ANO2: variants seen among roughly 807,000 people sequenced by gnomAD.
ANO2 encodes the protein anoctamin-2.
ANO2 carries 101 observed loss-of-function variants against 124.2 expected under a neutral mutation model. That is an observed-to-expected ratio of 0.81 (90% CI 0.69 to 0.96). ANO2 has a LOEUF of 0.96. Among genes scored for constraint, ANO2 ranks in the 40% least tolerant of loss-of-function variants. The probability of loss-of-function intolerance (pLI) is 0.00; values close to 1 mark genes in which losing one functional copy is unlikely to be tolerated. For missense variants in ANO2, 1,293 were observed against 1,274.5 expected (o/e 1.01, Z -0.22); for synonymous variants, 486 against 482.5 (o/e 1.01, Z -0.09).
chr12:5,590,381 C>T lies in ANO2; in HGVS notation c.2233+9103G>A, dbSNP rs541791108. Among the ~76,000 whole-genome samples, 4 of 152,256 alleles carry T rather than the reference C, an allele frequency of 2.6e-5. No individual in the cohort carries two copies. The South Asian group carries it at 8.3e-4, about 32-fold the overall frequency. ...CTACTGGATGGGAGGCACATGGAGA[C>T]GGAACAGAGAATGAGCAGTGATGTT... On this transcript the variant is annotated intron_variant, in intron 20 of 24. Coordinates refer to ENST00000682330, the MANE Select transcript of ANO2 (RefSeq NM_001364791.2).
At chr12:5,903,207 A>G (rs1473524794) in intron 3 of ANO2, among the ~76,000 whole-genome samples, 1 of 152,026 alleles carries the variant, frequency 6.6e-6, no homozygotes, top group African/African-American at 2.4e-5. Context: ...ATGGGAGATT[A>G]CATCCAACTT....
chr12:5,606,554 A>G (rs1369040097), intron 19 of ANO2, among the ~76,000 whole-genome samples: 3 of 152,158 alleles, frequency 2.0e-5, no homozygotes, highest in African/African-American at 7.2e-5. Context: ...TAGTTTTCCA[A>G]TTTCAGAAAT....
At chr12:5,858,020 G>T (rs540897256) in intron 3 of ANO2, among the ~76,000 whole-genome samples, 56 of 152,276 alleles carry the variant, frequency 3.7e-4, no homozygotes, top group African/African-American at 1.3e-3. Context: ...ATTAGAGGCT[G>T]GGCAAAATGT....
At chr12:5,687,190 G>A (rs886797983) in intron 14 of ANO2, among the ~76,000 whole-genome samples, 3 of 152,204 alleles carry the variant, frequency 2.0e-5, no homozygotes, top group Non-Finnish European at 2.9e-5. Flanking sequence ...CGGACAAGGC[G>A]CTGCCTCCAC....
At chr12:5,643,025 T>C (rs2136950092) in intron 15 of ANO2, among the ~76,000 whole-genome samples, 1 of 152,052 alleles carries the variant, frequency 6.6e-6, no homozygotes, top group South Asian at 2.1e-4. Context: ...TTTTGTGTCT[T>C]TTTAAATTTT....
At chr12:5,742,529 C>T (rs1264560777) in intron 12 of ANO2, among the ~76,000 whole-genome samples, 7 of 151,974 alleles carry the variant, frequency 4.6e-5, no homozygotes, top group Non-Finnish European at 7.4e-5. Context: ...GGTAGCTGTT[C>T]ATTACAGCTA....
chr12:5,734,388 T>C (rs995289658), intron 13 of ANO2, among the ~76,000 whole-genome samples: 3 of 152,232 alleles, frequency 2.0e-5, no homozygotes, highest in Non-Finnish European at 2.9e-5. Context: ...AATTAAAAAC[T>C]TAGCAGTATC....
intron 14 of ANO2, among the ~76,000 whole-genome samples, chr12:5,704,516 G>A (rs1949528790): frequency 6.6e-6 from 1 of 152,180 alleles, no homozygotes; most frequent in Admixed American, 6.5e-5. Context: ...GGGAGAGGGA[G>A]AATAGCCTTT....
chr12:5,849,435 T>C (rs188861666), intron 4 of ANO2, among the ~76,000 whole-genome samples: 1 of 152,348 alleles, frequency 6.6e-6, no homozygotes, highest in Non-Finnish European at 1.5e-5. Context: ...AGAAGAGCCA[T>C]CTTGGTAATG....
intron 10 of ANO2, among the ~76,000 whole-genome samples, chr12:5,751,420 A>G (rs144441577): frequency 6.6e-6 from 1 of 152,368 alleles, no homozygotes; most frequent in East Asian, 1.9e-4. Flanking sequence ...ATACTTGGGT[A>G]TGCAAACCAA....
In ANO2 at chr12:5,658,169, T is replaced by G. The variant is rs1423354125; in HGVS notation, c.1546-10368A>C. 6.6e-6 allele frequency among the ~76,000 whole-genome samples: 1 copy of G among 152,162 alleles called. No homozygotes were observed. The highest frequency in any genetic ancestry group is 2.1e-4 in the South Asian group (1 of 4,824). On this transcript the variant is annotated intron_variant, in intron 14 of 24. Transcript: ENST00000682330. This position sits in a 1 kb window ranked among gnomAD's most constrained non-coding sequence, Gnocchi z 4.3. ...CTGGAGGTGGCTGCCTGGGTTCAAT[T>G]CCCAGCTTGCACGCTAATTGAACGT...
intron 14 of ANO2, among the ~76,000 whole-genome samples, chr12:5,663,878 A>G (rs1210435270): frequency 6.6e-6 from 1 of 152,178 alleles, no homozygotes; most frequent in Non-Finnish European, 1.5e-5. Context: ...ATCATTTTAC[A>G]ATGATTTTAT....
At chr12:5,827,928 T>C in intron 6 of ANO2, 108 bp from the exon 7 acceptor site, 3 of 1,241,856 alleles carry the variant, frequency 2.4e-6, no homozygotes, top group Non-Finnish European at 3.4e-6. Flanking sequence ...CGGGCTCATT[T>C]GGAGCCAGGA....
chr12:5,742,675 A>T (rs1321450984), intron 12 of ANO2, among the ~76,000 whole-genome samples: 1 of 152,260 alleles, frequency 6.6e-6, no homozygotes, highest in African/African-American at 2.4e-5. Flanking sequence ...ATTAGGCTTC[A>T]GCAACTCAAT....
At chr12:5,628,457 T>C (rs1287012338) in intron 16 of ANO2, among the ~76,000 whole-genome samples, 1 of 152,206 alleles carries the variant, frequency 6.6e-6, no homozygotes, top group African/African-American at 2.4e-5. Context: ...GGCACTAGAG[T>C]GTCATGGTTT....
At chr12:5,756,003 C>T (rs747628130) in intron 10 of ANO2, among the ~76,000 whole-genome samples, 1 of 152,118 alleles carries the variant, frequency 6.6e-6, no homozygotes, top group Non-Finnish European at 1.5e-5. Flanking sequence ...TATTGGTTCA[C>T]TCTATGGTGT....
chr12:5,875,364 G>T (rs1260766889), intron 3 of ANO2, among the ~76,000 whole-genome samples: 3 of 152,240 alleles, frequency 2.0e-5, no homozygotes, highest in Non-Finnish European at 4.4e-5. Flanking sequence ...GGGAACGCAA[G>T]CTGGCCTGCT....
At chr12:5,828,162 G>A (rs1428400065) in intron 6 of ANO2, among the ~76,000 whole-genome samples, 2 of 152,240 alleles carry the variant, frequency 1.3e-5, no homozygotes, top group African/African-American at 4.8e-5. Context: ...AGGGCTGGGA[G>A]GAAGCCCTGG....
In ANO2 at chr12:5,900,390, T is replaced by C. The variant is rs1054631943; in HGVS notation, c.534+20650A>G. 1.3e-5 allele frequency among the ~76,000 whole-genome samples: 2 copies of C among 152,230 alleles called. No homozygotes were observed. The highest frequency in any genetic ancestry group is 4.8e-5 in the African/African-American group (2 of 41,452). On this transcript the variant is annotated intron_variant, in intron 3 of 24. Transcript: ENST00000682330. The surrounding 1 kb of genome is among the most constrained non-coding windows in gnomAD (Gnocchi z 4.2). Reference sequence around the variant, plus strand: ...GATTTCACTTTCCATGCCCAGTGTTTAGCACCCATCTAGAGGGCAGAGGAC... The same window carrying C: ...GATTTCACTTTCCATGCCCAGTGTTCAGCACCCATCTAGAGGGCAGAGGAC...
Sources: gnomAD v4.1 joint callset for allele counts (sites outside exome capture counted in the v4.1 genomes callset) on GRCh38, gnomAD v4.1.1 for gene constraint, Gnocchi (gnomAD v3.1) non-coding constraint, MANE v1.5 for transcripts, NCBI Gene and HGNC (gene_info 2026-07-23, HGNC 2026-07-21) for gene names.